Variants in CSMD1 observed in about 807,000 individuals in gnomAD.
The protein encoded by CSMD1 is CUB and Sushi multiple domains 1, also known as CUB and sushi domain-containing protein 1.
A neutral mutation model predicts 417.5 loss-of-function variants in CSMD1; 213 were observed. The observed-to-expected ratio is 0.51, with a 90% CI of 0.46 to 0.57. The LOEUF (loss-of-function observed/expected upper bound fraction) is 0.57. Ranked by LOEUF, CSMD1 falls within the 20% of genes least tolerant of loss-of-function variation. The pLI, the probability that CSMD1 is intolerant of heterozygous loss-of-function variation, is 0.00. For synonymous variants in CSMD1, 2,862 were observed against 1,736.8 expected (o/e 1.65, Z -16.11); for missense variants, 6,923 against 4,529.7 (o/e 1.53, Z -15.17).
At chr8:4,905,585 C>A (rs1156275453) in intron 1 of CSMD1, among the ~76,000 whole-genome samples, 1 of 151,788 alleles carries the variant, frequency 6.6e-6, no homozygotes, top group Non-Finnish European at 1.5e-5. Flanking sequence ...TTTGGGAGGC[C>A]AAGGTGGGCC....
At chr8:3,699,876 C>A (rs1003926806) in intron 7 of CSMD1, among the ~76,000 whole-genome samples, 4 of 152,064 alleles carry the variant, frequency 2.6e-5, no homozygotes, top group Non-Finnish European at 4.4e-5. Flanking sequence ...TGGGTTATAT[C>A]CCATAGCTAC....
At chr8:4,264,020 G>C (rs1804068507) in intron 3 of CSMD1, among the ~76,000 whole-genome samples, 1 of 152,120 alleles carries the variant, frequency 6.6e-6, no homozygotes, top group African/African-American at 2.4e-5. Context: ...CGTTCTTATT[G>C]ACTAGCTCCA....
intron 2 of CSMD1, among the ~76,000 whole-genome samples, chr8:4,607,948 C>T (rs868478967): frequency 6.6e-6 from 1 of 152,090 alleles, no homozygotes; most frequent in Admixed American, 6.5e-5. Flanking sequence ...TGACATCTGG[C>T]GACTTTCCCC....
At position 4,106,667 on chromosome 8, in the gene CSMD1, T is replaced by G. The variant is rs186544604; in HGVS notation, c.416-74568A>C. Among the ~76,000 whole-genome samples the G allele has an allele frequency of 1.4e-3, 212 of 152,314 alleles. 2 individuals carry two copies. Among genetic ancestry groups the G allele is most frequent in the African/African-American group, 4.9e-3 (204 of 41,572 alleles). ...TGATAGGTATTCACTATAAAAACAG[T>G]AAAACATTTTCTTTATTTCATACCA... On this transcript the variant is annotated intron_variant, in intron 3 of 69. Transcript: ENST00000635120.
At chr8:4,811,850 G>A (rs532405723) in intron 1 of CSMD1, among the ~76,000 whole-genome samples, 52 of 152,146 alleles carry the variant, frequency 3.4e-4, no homozygotes, top group African/African-American at 1.2e-3. Context: ...CTATGAGACA[G>A]TGAAATCAGT....
At chr8:3,298,580 A>T (rs945166346) in intron 25 of CSMD1, among the ~76,000 whole-genome samples, 3 of 152,082 alleles carry the variant, frequency 2.0e-5, no homozygotes, top group Non-Finnish European at 4.4e-5. Context: ...CAGCCTCCCG[A>T]GTAGCTGGGA....
chr8:4,302,852 G>C (rs1211884823), intron 3 of CSMD1, among the ~76,000 whole-genome samples: 3 of 152,100 alleles, frequency 2.0e-5, no homozygotes, highest in Admixed American at 1.3e-4. Flanking sequence ...TCCAGGACTA[G>C]CAGGCAGGAC....
chr8:3,244,270 A>AGCCT (rs1268557090), intron 26 of CSMD1, among the ~76,000 whole-genome samples: 1 of 152,150 alleles, frequency 6.6e-6, no homozygotes, highest in Non-Finnish European at 1.5e-5. Context: ...GAGGGTCAGT[A>AGCCT]GCCTGCGAAG....
At chr8:3,307,204 G>C (rs948939898) in intron 25 of CSMD1, among the ~76,000 whole-genome samples, 4 of 152,084 alleles carry the variant, frequency 2.6e-5, no homozygotes, top group Non-Finnish European at 5.9e-5. Context: ...TGTAATGTAA[G>C]CACAAGTTGG....
intron 3 of CSMD1, among the ~76,000 whole-genome samples, chr8:4,386,864 C>G (rs1015433634): frequency 1.3e-5 from 2 of 152,180 alleles, no homozygotes; most frequent in African/African-American, 4.8e-5. Context: ...TGTTGAATCC[C>G]TCGTGGATGA....
rs1396108865 is a variant in CSMD1, at chr8:3,367,229, T to C, written c.2918A>G (p.His973Arg). 6.2e-7 allele frequency: 1 copy of C among 1,611,574 alleles called. No individual in the cohort carries two copies. The highest frequency in any genetic ancestry group is 1.7e-5 in the Admixed American group (1 of 59,846). Residue 973 changes from histidine (H) to arginine (R), a missense_variant, in exon 20 of 70, where the codon CAC (histidine) becomes CGC (arginine). Coordinates refer to ENST00000635120, the MANE Select transcript of CSMD1 (RefSeq NM_033225.6). Reference protein sequence around the residue: ...SHGKGVQMIFHTFHLESSHDY... With the variant: ...SHGKGVQMIFRTFHLESSHDY... ...GTGGGAACTCTCAAGATGAAAGGTG[T>C]GAAAGATCATTTGAACTCCTGAGAA... is the stretch of plus-strand genomic sequence containing the variant.
At chr8:3,519,971 T>C (rs910097629) in intron 10 of CSMD1, among the ~76,000 whole-genome samples, 2 of 151,500 alleles carry the variant, frequency 1.3e-5, no homozygotes, top group African/African-American at 4.9e-5. Context: ...GCACACTTTT[T>C]TAAAACTTCT....
chr8:3,156,017 G>A (rs2129037690), intron 39 of CSMD1, among the ~76,000 whole-genome samples: 1 of 152,340 alleles, frequency 6.6e-6, no homozygotes, highest in East Asian at 1.9e-4. Flanking sequence ...TAGGCTGTCA[G>A]AAGAATGTGT....
intron 54 of CSMD1, among the ~76,000 whole-genome samples, chr8:2,989,100 C>T (rs1258933038): frequency 1.3e-5 from 2 of 152,230 alleles, no homozygotes; most frequent in Non-Finnish European, 2.9e-5. Context: ...CAACAGCCTA[C>T]AACTCTTGTG....
intron 24 of CSMD1, 22 bp downstream of exon 24, chr8:3,308,290 G>T (rs1380422374): frequency 1.3e-6 from 2 of 1,583,688 alleles, no homozygotes; most frequent in Non-Finnish European, 1.7e-6. Flanking sequence ...TTGCACAATG[G>T]TATGACTGCT....
intron 3 of CSMD1, among the ~76,000 whole-genome samples, chr8:4,317,813 C>T (rs1799021780): frequency 6.6e-6 from 1 of 152,134 alleles, no homozygotes; most frequent in Admixed American, 6.6e-5. Context: ...ACATTGTAGG[C>T]ATTCAGTAAT....
chr8:3,850,155 T>C (rs911647286), intron 5 of CSMD1, among the ~76,000 whole-genome samples: 6 of 152,248 alleles, frequency 3.9e-5, no homozygotes, highest in African/African-American at 1.4e-4. Context: ...ATATCCCTTA[T>C]GAATTTCAAG....
At chr8:4,828,741 G>A in intron 1 of CSMD1, among the ~76,000 whole-genome samples, 1 of 152,206 alleles carries the variant, frequency 6.6e-6, no homozygotes, top group South Asian at 2.1e-4. Context: ...TTTATCATTT[G>A]GAGGTACATT....
chr8:4,306,879 C>T (rs978209688), intron 3 of CSMD1, among the ~76,000 whole-genome samples: 1 of 152,104 alleles, frequency 6.6e-6, no homozygotes, highest in East Asian at 1.9e-4. Flanking sequence ...GCAAAATCTG[C>T]AGTTATGCTT....
Sources: gnomAD v4.1 joint callset for allele counts (sites outside exome capture counted in the v4.1 genomes callset) on GRCh38, gnomAD v4.1.1 for gene constraint, MANE v1.5 for transcripts, NCBI Gene and HGNC (gene_info 2026-07-23, HGNC 2026-07-21) for gene names.